Variants in ACOT12 observed in about 807,000 individuals in gnomAD.
ACOT12 encodes the protein acyl-CoA thioesterase 12, also known as acetyl-coenzyme A thioesterase.
In ACOT12, 51 loss-of-function variants were observed where a neutral mutation model predicts 67.7. The ratio of observed to expected loss-of-function variants is 0.75; its 90% CI spans 0.60 to 0.95. The LOEUF is 0.95. Ranked by LOEUF, ACOT12 falls within the 40% of genes least tolerant of loss-of-function variation. The pLI is 0.00. For missense variants in ACOT12, 734 were observed against 708.1 expected, an observed-to-expected ratio of 1.04 and a Z score of -0.41; for synonymous variants, 251 against 244.6, an observed-to-expected ratio of 1.03 and a Z score of -0.24.
At chr5:81,349,222 G>C (rs922405382) in intron 5 of ACOT12, among the ~76,000 whole-genome samples, 2 of 152,164 alleles carry the variant, frequency 1.3e-5, no homozygotes, top group Non-Finnish European at 2.9e-5. Context: ...GTAATTTTTA[G>C]ATTTATAATT....
chr5:81,322,470 A>AAC, the ACOT12 span, among the ~76,000 whole-genome samples: 11 of 150,982 alleles, frequency 7.3e-5, no homozygotes, highest in East Asian at 1.6e-3. Context: ...AAAATAAACA[A>AAC]AAAAAAAACC....
chr5:81,367,491 T>C (rs1030637626), intron 3 of ACOT12, among the ~76,000 whole-genome samples: 1 of 152,194 alleles, frequency 6.6e-6, no homozygotes, highest in African/African-American at 2.4e-5. Context: ...AGGGATATTA[T>C]ATTATTCGAA....
the ACOT12 span, chr5:81,309,183 TA>T: frequency 1.7e-6 from 1 of 598,748 alleles, no homozygotes; most frequent in Non-Finnish European, 2.8e-6. Flanking sequence ...AGTGCTATCA[TA>T]TGTACTAGGC....
Position 81,356,844 on chromosome 5 carries a change from C to T in ACOT12, c.496+3059G>A, listed in dbSNP as rs899859112. 7.2e-5 allele frequency among the ~76,000 whole-genome samples: 11 copies of T among 152,046 alleles called. No homozygotes were observed. The South Asian group carries it at 2.3e-3, about 32-fold the overall frequency. Reference sequence around the variant, plus strand: ...ATCACTGCCTGGTTTAGGCACCCCTCGCCTTTCGCCTGGTCTCTCTCCCTC... The same window carrying T: ...ATCACTGCCTGGTTTAGGCACCCCTTGCCTTTCGCCTGGTCTCTCTCCCTC... On this transcript the variant is annotated intron_variant, in intron 5 of 14. Coordinates refer to ENST00000307624, the MANE Select transcript of ACOT12 (RefSeq NM_130767.3).
At chr5:81,334,258 A>C (rs1229105630) in intron 12 of ACOT12, among the ~76,000 whole-genome samples, 1 of 152,212 alleles carries the variant, frequency 6.6e-6, no homozygotes, top group Non-Finnish European at 1.5e-5. Context: ...CTGTTCTTGC[A>C]ATAAGGCAGA....
At chr5:81,330,750 A>G in intron 14 of ACOT12, 64 bp downstream of exon 14, 1 of 1,585,444 alleles carries the variant, frequency 6.3e-7, no homozygotes. Flanking sequence ...ACATCTGGGT[A>G]AATTAAGAGA....
chr5:81,312,480 C>T, the ACOT12 span: 1 of 1,294,090 alleles, frequency 7.7e-7, no homozygotes, highest in Non-Finnish European at 1.1e-6. Flanking sequence ...AAACCAATAA[C>T]AATCTGAGTG....
intron 11 of ACOT12, among the ~76,000 whole-genome samples, chr5:81,338,307 C>T (rs1759072254): frequency 6.6e-6 from 1 of 152,204 alleles, no homozygotes; most frequent in African/African-American, 2.4e-5. Context: ...TTGTAATCCC[C>T]AGTGCTGGAG....
intron 11 of ACOT12, 152 bp from the exon 12 acceptor site, chr5:81,336,053 A>G: frequency 1.2e-6 from 1 of 811,494 alleles, no homozygotes; most frequent in African/African-American, 1.7e-5. Context: ...ATTTCTCTTC[A>G]AATACTGGGA....
At chr5:81,352,998 T>G (rs1759600637) in intron 5 of ACOT12, among the ~76,000 whole-genome samples, 1 of 152,164 alleles carries the variant, frequency 6.6e-6, no homozygotes, top group South Asian at 2.1e-4. Flanking sequence ...GCATGTACTA[T>G]CTCTTTAAAA....
rs147004113 is a variant in ACOT12 at position 81,369,378 on chromosome 5, C to T, written c.258+2372G>A. On this transcript the variant is annotated intron_variant, in intron 3 of 14. Transcript: ENST00000307624. The stretch of plus-strand genomic sequence containing the variant: ...CATTTATTTCTGCTCAGCAAATTAG[C>T]AGAGGGCTGGCCTCAGTTGTGGCAG... 2.1e-3 allele frequency among the ~76,000 whole-genome samples: 317 copies of T among 152,280 alleles called. 1 individual carries two copies. The highest frequency in any genetic ancestry group is 7.0e-3 in the African/African-American group (292 of 41,540).
intron 5 of ACOT12, 162 bp downstream of exon 5, chr5:81,359,741 A>G: frequency 1.5e-6 from 1 of 680,458 alleles, no homozygotes; most frequent in Non-Finnish European, 2.3e-6. Flanking sequence ...TACATTCTCA[A>G]TGGCCAGGTT....
intron 3 of ACOT12, among the ~76,000 whole-genome samples, chr5:81,369,707 T>C (rs1385076267): frequency 6.6e-6 from 1 of 152,180 alleles, no homozygotes; most frequent in Non-Finnish European, 1.5e-5. Flanking sequence ...AGCTTTTAGA[T>C]AAGCCTCCTT....
chr5:81,334,658 G>A (rs758325006), intron 12 of ACOT12, among the ~76,000 whole-genome samples: 2 of 152,228 alleles, frequency 1.3e-5, no homozygotes, highest in Non-Finnish European at 2.9e-5. Flanking sequence ...ATTTGAAGAT[G>A]AGCCTCTATC....
chr5:81,309,777 G>T, the ACOT12 span, among the ~76,000 whole-genome samples: 1 of 152,300 alleles, frequency 6.6e-6, no homozygotes, highest in African/African-American at 2.4e-5. Context: ...CACCTATAGA[G>T]TGGAGATGAT....
chr5:81,347,741 C>A, intron 6 of ACOT12, 33 bp downstream of exon 6: 1 of 1,606,134 alleles, frequency 6.2e-7, no homozygotes, highest in Non-Finnish European at 8.5e-7. Flanking sequence ...TCACTGGTCC[C>A]AAAATCATAG....
chr5:81,376,029 A>G (rs1243153925), intron 2 of ACOT12, among the ~76,000 whole-genome samples: 1 of 152,002 alleles, frequency 6.6e-6, no homozygotes, highest in Non-Finnish European at 1.5e-5. Flanking sequence ...AAATGAACAG[A>G]ATATACATTC....
the ACOT12 span, among the ~76,000 whole-genome samples, chr5:81,323,782 A>G: frequency 6.6e-6 from 1 of 151,562 alleles, no homozygotes; most frequent in African/African-American, 2.4e-5. Flanking sequence ...GGAGCAAAAA[A>G]GAGAAATGGA....
At chr5:81,389,499 G>A (rs1760809738) in intron 1 of ACOT12, among the ~76,000 whole-genome samples, 1 of 152,008 alleles carries the variant, frequency 6.6e-6, no homozygotes, top group African/African-American at 2.4e-5. Context: ...TGATATGCCT[G>A]GATGTATTCT....
Sources: gnomAD v4.1 joint callset for allele counts (sites outside exome capture counted in the v4.1 genomes callset) on GRCh38, gnomAD v4.1.1 for gene constraint, MANE v1.5 for transcripts, NCBI Gene and HGNC (gene_info 2026-07-23, HGNC 2026-07-21) for gene names.